SYNPO2L: variants seen among roughly 807,000 people sequenced by gnomAD.
The protein encoded by SYNPO2L is synaptopodin 2-like protein.
A neutral mutation model predicts 47.5 loss-of-function variants in SYNPO2L; 34 were observed. The ratio of observed to expected loss-of-function variants is 0.72; its 90% CI spans 0.54 to 0.95. The LOEUF (loss-of-function observed/expected upper bound fraction) is 0.95, where lower values mean the gene tolerates loss of function less well. Ranked by LOEUF, SYNPO2L falls within the 40% of genes least tolerant of loss-of-function variation. The pLI, the probability that SYNPO2L is intolerant of heterozygous loss-of-function variation, is 0.00. For missense variants in SYNPO2L, 1,246 were observed against 1,282.0 expected, an observed-to-expected ratio of 0.97 and a Z score of 0.43; for synonymous variants, 536 against 524.9, an observed-to-expected ratio of 1.02 and a Z score of -0.29.
At position 73,646,631 on chromosome 10, in the gene SYNPO2L, T is replaced by A; in HGVS notation, c.*87A>T. 1 of 1,349,248 alleles carries A rather than the reference T, an allele frequency of 7.4e-7. No individual in the cohort carries two copies. Among genetic ancestry groups the A allele is most frequent in the Non-Finnish European group, 9.6e-7 (1 of 1,043,380 alleles). 83.6% of individuals were successfully genotyped at this position (1,349,248 alleles called of 1,614,324 possible). A position where few individuals can be genotyped will look rare whatever the true frequency, so the allele number is the denominator to read the frequency against. The stretch of plus-strand genomic sequence containing the variant: ...GGCAGGAGGCAATTTAGCTTCCAGA[T>A]GCGTGACAGGGGATGGGATAGGGTA... On this transcript the variant is annotated 3_prime_UTR_variant, in exon 4 of 4. Transcript: ENST00000394810.
At position 73,644,956 on chromosome 10, in the gene SYNPO2L, T is replaced by G; in HGVS notation, c.*1762A>C. On this transcript the variant is annotated 3_prime_UTR_variant, in exon 4 of 4. Transcript: ENST00000394810. ...CTCACACCCAACAAGCAAAGGAAAT[T>G]ATCACTTTCCAGATTACACAGCAAA... 1 of 1,213,530 alleles carries G rather than the reference T, an allele frequency of 8.2e-7. No individual in the cohort carries two copies. The highest frequency in any genetic ancestry group is 1.1e-6 in the Non-Finnish European group (1 of 946,558). 75.2% of individuals were successfully genotyped at this position (1,213,530 alleles called of 1,614,324 possible).
In SYNPO2L at chr10:73,653,469, G is replaced by T. The variant is rs1429085373; in HGVS notation, c.442C>A (p.Pro148Thr). 1.2e-5 allele frequency: 19 copies of T among 1,551,508 alleles called. No individual in the cohort carries two copies. ...CGACGGGGCTTCTCCTGGGTGGCAGGGCCATCAGCATCACTGTCAGTCTCT... is the reference window on the plus strand; with the variant it reads ...CGACGGGGCTTCTCCTGGGTGGCAGTGCCATCAGCATCACTGTCAGTCTCT... ...YGETDSDADGPATQEKPRRPR... is the reference protein window; with the variant it reads ...YGETDSDADGTATQEKPRRPR... Residue 148 changes from proline (P) to threonine (T), a missense_variant, in exon 3 of 4, where the codon CCT becomes ACT. By Grantham distance (38) the Pro-to-Thr change is conservative. Coordinates refer to ENST00000394810, the MANE Select transcript of SYNPO2L (RefSeq NM_001114133.3).
rs1313223718 is a variant in SYNPO2L, at chr10:73,647,970, G to A, written c.1682C>T (p.Pro561Leu). ...YIPAPSRPVT[P>L]GGAPEPPAPP... is the part of the protein sequence containing the mutation. ...AGCGGGGGGCTCTGGAGCTCCACCTGGGGTGACAGGCCGACTAGGGGCTGG... is the reference window on the plus strand; with the variant it reads ...AGCGGGGGGCTCTGGAGCTCCACCTAGGGTGACAGGCCGACTAGGGGCTGG... The change falls in exon 4 of 4, where the codon CCA (proline) becomes CTA (leucine). Residue 561 changes from proline to leucine, a missense_variant. By Grantham distance (98) the Pro-to-Leu change is moderately conservative. Transcript: ENST00000394810. 6.5e-7 allele frequency: 1 copy of A among 1,540,658 alleles called. No individual in the cohort carries two copies. The highest frequency in any genetic ancestry group is 2.1e-5 in the Admixed American group (1 of 47,492).
At position 73,645,160 on chromosome 10, in the gene SYNPO2L, C is replaced by T; in HGVS notation, c.*1558G>A. 2 of 1,190,532 alleles carry T rather than the reference C, an allele frequency of 1.7e-6. No individual in the cohort carries two copies. Among genetic ancestry groups the T allele is most frequent in the South Asian group, 3.2e-5 (2 of 62,248 alleles). The allele number at this position is 1,190,532 out of a possible 1,614,324, so 73.7% of individuals were successfully genotyped here. A position where few individuals can be genotyped will look rare whatever the true frequency, so the allele number is the denominator to read the frequency against. On this transcript the variant is annotated 3_prime_UTR_variant, in exon 4 of 4. Coordinates refer to ENST00000394810, the MANE Select transcript of SYNPO2L (RefSeq NM_001114133.3). ...CAGTCATGGCAAGCTGCAGAAGACA[C>T]ACTGAAGAACAGACTCAAGGAAAAT...
chr10:73,648,085 A>G lies in SYNPO2L; in HGVS notation c.1567T>C (p.Ser523Pro). ...ACTGGCGCGTGGCTGGGAACCCCTGAAGTGAAGCTGGGCAGAGGGGTGGGC... is the reference window on the plus strand; with the variant it reads ...ACTGGCGCGTGGCTGGGAACCCCTGGAGTGAAGCTGGGCAGAGGGGTGGGC... ...QGPTPLPSFT[S>P]GVPSHAPVSG... is the part of the protein sequence containing the mutation. The change falls in exon 4 of 4, where the codon TCA becomes CCA. Residue 523 changes from serine to proline, a missense_variant. Around this residue, in one of 3 missense-constraint regions of SYNPO2L, gnomAD observed 1,037 missense variants for 1,021.5 expected, o/e 1.02. Transcript: ENST00000394810. The G allele has an allele frequency of 2.5e-6, 4 of 1,571,722 alleles. No homozygotes were observed. The highest frequency in any genetic ancestry group is 3.4e-6 in the Non-Finnish European group (4 of 1,160,654).
In SYNPO2L at chr10:73,653,526, G is replaced by A. The variant is rs757814200; in HGVS notation, c.385C>T (p.Arg129Cys). ...TAAGCCTCACTATCAGGAGGTGAACGAAGGCTCCCAGGCTGAAGAGGCTGA... is the reference window on the plus strand; with the variant it reads ...TAAGCCTCACTATCAGGAGGTGAACAAAGGCTCCCAGGCTGAAGAGGCTGA... ...VPQPLQPGSLRSPPDSEAYYG... is the reference protein window; with the variant it reads ...VPQPLQPGSLCSPPDSEAYYG... The change falls in exon 3 of 4, where the codon CGT (arginine) becomes TGT (cysteine). Residue 129 changes from arginine (R) to cysteine (C), a missense_variant. By Grantham distance (180) the Arg-to-Cys change is radical (BLOSUM62 -3). Transcript: ENST00000394810. 103 of 1,551,832 alleles carry A rather than the reference G, an allele frequency of 6.6e-5. No homozygotes were observed. Among genetic ancestry groups the A allele is most frequent in the South Asian group, 1.8e-4 (15 of 84,064 alleles).
At chr10:73,650,049 C>CT in intron 3 of SYNPO2L, 1 of 985,436 alleles carries the variant, frequency 1.0e-6, no homozygotes, top group Non-Finnish European at 1.2e-6. Context: ...CAGGGCAGGG[C>CT]TTTCCATGCC....
At chr10:73,649,341 C>T (rs1276650178) in intron 3 of SYNPO2L, among the ~76,000 whole-genome samples, 2 of 152,094 alleles carry the variant, frequency 1.3e-5, no homozygotes, top group Non-Finnish European at 2.9e-5. Flanking sequence ...TGTTAGGAGG[C>T]TTCTCATGAA....
At position 73,648,107 on chromosome 10, in the gene SYNPO2L, G is replaced by A; in HGVS notation, c.1545C>T (p.Pro515=). 1.3e-6 allele frequency: 2 copies of A among 1,544,982 alleles called. No homozygotes were observed. Among genetic ancestry groups the A allele is most frequent in the Non-Finnish European group, 1.7e-6 (2 of 1,147,494 alleles). ...APPPFLSSQG[P]TPLPSFTSGV... is the part of the protein sequence containing the mutation. The stretch of plus-strand genomic sequence containing the variant: ...CTGAAGTGAAGCTGGGCAGAGGGGT[G>A]GGCCCCTGCGAAGACAAGAAGGGGG... Residue 515 remains proline, a synonymous_variant, in exon 4 of 4, where the codon CCC becomes CCT. Transcript: ENST00000394810.
At chr10:73,653,756 A>G (rs1222385692) in intron 2 of SYNPO2L, 103 bp from the exon 3 acceptor site, 1 of 1,392,418 alleles carries the variant, frequency 7.2e-7, no homozygotes, top group Non-Finnish European at 9.4e-7. Flanking sequence ...GGAAGAGGTA[A>G]GGGAGAGAGA....
At position 73,654,286 on chromosome 10, in the gene SYNPO2L, A is replaced by T; in HGVS notation, c.106-6T>A. On this transcript the variant is annotated splice_region_variant and splice_polypyrimidine_tract_variant and intron_variant, in intron 1 of 3. Transcript: ENST00000394810. ...GCCTGGCTCCGTCTTCGAATCTGAG[A>T]TGTTGAAGGAGACACTGTAGGTAAG... 6.4e-7 allele frequency: 1 copy of T among 1,551,418 alleles called. No individual in the cohort carries two copies. Among genetic ancestry groups the T allele is most frequent in the South Asian group, 1.2e-5 (1 of 84,020 alleles).
chr10:73,651,492 A>C (rs2081841027), intron 3 of SYNPO2L, among the ~76,000 whole-genome samples: 1 of 152,080 alleles, frequency 6.6e-6, no homozygotes, highest in Non-Finnish European at 1.5e-5. Context: ...CTAGAGGGGG[A>C]ATCATGAGAT....
chr10:73,647,183 C>A lies in SYNPO2L; in HGVS notation c.2469G>T (p.Gln823His). The change falls in exon 4 of 4, where the codon CAG becomes CAT. Residue 823 changes from glutamine (Q) to histidine (H), a missense_variant. Gln to His is a conservative substitution (Grantham distance 24, BLOSUM62 0). Around this residue, in one of 3 missense-constraint regions of SYNPO2L, gnomAD observed 1,037 missense variants for 1,021.5 expected, o/e 1.02. Transcript: ENST00000394810. Reference protein sequence around the residue: ...YNPLLSPFFPQAARTLPKAQS... With the variant: ...YNPLLSPFFPHAARTLPKAQS... ...GGGCCTTAGGGAGAGTTCGGGCCGCCTGGGGGAAAAAGGGAGAGAGCAGTG... is the reference window on the plus strand; with the variant it reads ...GGGCCTTAGGGAGAGTTCGGGCCGCATGGGGGAAAAAGGGAGAGAGCAGTG... 1 of 1,613,692 alleles carries A rather than the reference C, an allele frequency of 6.2e-7. No homozygotes were observed.
chr10:73,653,202 G>T lies in SYNPO2L; in HGVS notation c.709C>A (p.Pro237Thr). 1 of 1,478,476 alleles carries T rather than the reference G, an allele frequency of 6.8e-7. No individual in the cohort carries two copies. The highest frequency in any genetic ancestry group is 9.0e-7 in the Non-Finnish European group (1 of 1,109,868). 91.6% of individuals were successfully genotyped at this position (1,478,476 alleles called of 1,614,324 possible). A position where few individuals can be genotyped will look rare whatever the true frequency, so the allele number is the denominator to read the frequency against. The change falls in exon 3 of 4, where the codon CCT (proline) becomes ACT (threonine). Residue 237 changes from proline (P) to threonine (T), a missense_variant. Pro to Thr is a conservative substitution (Grantham distance 38, BLOSUM62 -1). This residue lies in a region of SYNPO2L where 1,037 missense variants were observed against 1,021.5 expected (regional missense o/e 1.02). Coordinates refer to ENST00000394810, the MANE Select transcript of SYNPO2L (RefSeq NM_001114133.3). ...PGPHLIPMVG[P>T]VPHPVAEDLT... ...TCTTCTGCCACTGGGTGGGGAACAG[G>T]CCCCACCATAGGGATGAGATGAGGA...
In SYNPO2L at chr10:73,646,149, C is replaced by T. The variant is rs34172607; in HGVS notation, c.*569G>A. 2.9e-3 allele frequency: 2,871 copies of T among 985,424 alleles called. 5 individuals carry two copies. Among genetic ancestry groups the T allele is most frequent in the Admixed American group, 3.4e-3 (55 of 16,048 alleles). 61.0% of individuals were successfully genotyped at this position (985,424 alleles called of 1,614,324 possible). A position where few individuals can be genotyped will look rare whatever the true frequency, so the allele number is the denominator to read the frequency against. On this transcript the variant is annotated 3_prime_UTR_variant, in exon 4 of 4. Coordinates refer to ENST00000394810, the MANE Select transcript of SYNPO2L (RefSeq NM_001114133.3). ...TCAGATTGGGTCTTTATTTTGACCTCCCCTCTTATTCATGCCTTAGACGGA... is the reference window on the plus strand; with the variant it reads ...TCAGATTGGGTCTTTATTTTGACCTTCCCTCTTATTCATGCCTTAGACGGA...
At chr10:73,651,034 C>A in intron 3 of SYNPO2L, 1 of 1,606,136 alleles carries the variant, frequency 6.2e-7, no homozygotes, top group South Asian at 1.1e-5. Context: ...TTGGCTGGAG[C>A]AGGACCAGCT....
In SYNPO2L at chr10:73,648,856, G is replaced by A; in HGVS notation, c.796C>T (p.Gln266Ter). The A allele has an allele frequency of 6.5e-7, 1 of 1,533,300 alleles. No homozygotes were observed. Among genetic ancestry groups the A allele is most frequent in the Non-Finnish European group, 8.8e-7 (1 of 1,140,478 alleles). The allele number at this position is 1,533,300 out of a possible 1,614,324, so 95.0% of individuals were successfully genotyped here. ...QAKLQRAESLQEKSIKEAKTK... is the reference protein window; with the variant it reads ...QAKLQRAESL ...TTGGCCTCTTTTATGCTCTTCTCTT[G>A]GAGGCTCTCTGCACGTTGCAGTTCT... The change falls in exon 4 of 4, where the codon CAA becomes TAA. Residue 266 changes from glutamine (Q) to a stop codon, truncating the protein, a stop_gained. Transcript: ENST00000394810. LOFTEE classifies it low-confidence loss of function (END_TRUNC).
rs761128090 is a variant in SYNPO2L, at chr10:73,648,626, G to A, written c.1026C>T (p.Asp342=). The change falls in exon 4 of 4, where the codon GAC becomes GAT. Residue 342 remains aspartate, a synonymous_variant. Coordinates refer to ENST00000394810, the MANE Select transcript of SYNPO2L (RefSeq NM_001114133.3). ...CAGATTGATTGGTGAGGCTGCGGGC[G>A]TCAGAGAAGGCTTCTTCGTCCAGCT... ...ESELDEEAFS[D]ARSLTNQSDW... 20 of 1,613,818 alleles carry A rather than the reference G, an allele frequency of 1.2e-5. No homozygotes were observed. In the South Asian group the frequency reaches 1.3e-4, roughly 11 times the overall value.
chr10:73,653,102 A>C, intron 3 of SYNPO2L, 37 bp downstream of exon 3: 3 of 1,437,480 alleles, frequency 2.1e-6, no homozygotes, highest in Non-Finnish European at 2.7e-6. Context: ...CTCAGATTGA[A>C]GGATCCTGGC....
Sources: allele counts gnomAD v4.1 joint callset (sites outside exome capture counted in the v4.1 genomes callset), GRCh38; gene constraint gnomAD v4.1.1; regional missense constraint gnomAD v4.1.1; transcripts MANE v1.5; gene names NCBI Gene and HGNC (gene_info 2026-07-23, HGNC 2026-07-21).